The following PCDH11X variants were observed in gnomAD, a reference collection of about 807,000 sequenced individuals.
The protein encoded by PCDH11X is protocadherin-11 X-linked.
PCDH11X carries 18 observed loss-of-function variants against 53.3 expected under a neutral mutation model. That is an observed-to-expected ratio of 0.34 (90% CI 0.23 to 0.50). PCDH11X has a LOEUF of 0.50. Among genes scored for constraint, PCDH11X ranks in the 20% least tolerant of loss-of-function variants. The pLI is 0.98. For synonymous variants in PCDH11X, 279 were observed against 393.3 expected, an observed-to-expected ratio of 0.71 and a Z score of 3.44; for missense variants, 570 against 1,032.4, an observed-to-expected ratio of 0.55 and a Z score of 6.14.
At chrX:92,277,573 G>T (rs78330922) in intron 8 of PCDH11X, among the ~76,000 whole-genome samples, 1 of 107,760 alleles carries the variant, frequency 9.3e-6, no homozygotes, top group Admixed American at 1.0e-4. Flanking sequence ...GGGTTTGGGG[G>T]TTCTTACCTT....
intron 7 of PCDH11X, among the ~76,000 whole-genome samples, chrX:92,227,357 G>C (rs393785): frequency 9.1e-6 from 1 of 109,834 alleles, no homozygotes; most frequent in Non-Finnish European, 1.9e-5. Context: ...ATTTCAGTAC[G>C]TTCTAGTCAT....
chrX:92,085,209 TCTTGTGATTGGCTGAAA>T (rs2063929949), intron 6 of PCDH11X, among the ~76,000 whole-genome samples: 1 of 110,668 alleles, frequency 9.0e-6, no homozygotes, highest in South Asian at 3.8e-4. Context: ...AAGCTCTGTG[TCTTGTGATTGGCTGAAA>T]CTTCGCTCTT....
intron 10 of PCDH11X, among the ~76,000 whole-genome samples, chrX:92,536,193 G>A: frequency 9.0e-6 from 1 of 111,035 alleles, no homozygotes; most frequent in Non-Finnish European, 1.9e-5. Context: ...TCTTCTGTTA[G>A]TACTTACGAT....
intron 8 of PCDH11X, among the ~76,000 whole-genome samples, chrX:92,290,585 T>C (rs1378827444): frequency 2.1e-4 from 24 of 112,325 alleles, no homozygotes; most frequent in Non-Finnish European, 3.8e-5. Flanking sequence ...TTTGAAGAAA[T>C]TATCCTCTTA....
chrX:91,809,001 C>T (rs1460022198), intron 1 of PCDH11X, among the ~76,000 whole-genome samples: 4 of 104,161 alleles, frequency 3.8e-5, no homozygotes, highest in South Asian at 4.2e-4. Context: ...TAAAGTTTAT[C>T]GCAAGTAACT....
chrX:92,183,910 C>A (rs778149756), intron 6 of PCDH11X, among the ~76,000 whole-genome samples: 1 of 111,777 alleles, frequency 8.9e-6, no homozygotes, highest in African/African-American at 3.3e-5. Context: ...CAACCCCACT[C>A]TCCAGAAATT....
At chrX:92,466,445 G>A (rs2073158914) in intron 9 of PCDH11X, among the ~76,000 whole-genome samples, 1 of 108,072 alleles carries the variant, frequency 9.3e-6, no homozygotes, top group Admixed American at 1.0e-4. Context: ...GTGGTTGTTA[G>A]TATATAAGAT....
intron 6 of PCDH11X, among the ~76,000 whole-genome samples, chrX:92,107,368 A>C (rs963249470): frequency 1.5e-4 from 17 of 112,226 alleles, no homozygotes; most frequent in Non-Finnish European, 3.0e-4. Context: ...GATACTTTTG[A>C]GTTAACATTT....
At chrX:92,127,229 G>A (rs762940598) in intron 6 of PCDH11X, among the ~76,000 whole-genome samples, 3 of 109,241 alleles carry the variant, frequency 2.7e-5, no homozygotes, top group Admixed American at 1.0e-4. Flanking sequence ...AATAGGTGCT[G>A]TAATATGCCA....
In PCDH11X at chrX:91,974,778, C is replaced by T. The variant is rs766152330; in HGVS notation, c.3033+95505C>T. On this transcript the variant is annotated intron_variant, in intron 6 of 10. Coordinates refer to ENST00000682573, the MANE Select transcript of PCDH11X (RefSeq NM_032968.5). Reference sequence around the variant, plus strand: ...TCTTTTCTTTTTTTTTTTTGAGACACTTTCACTCTTGTTGCCCAGGCTGGA... The same window carrying T: ...TCTTTTCTTTTTTTTTTTTGAGACATTTTCACTCTTGTTGCCCAGGCTGGA... Among the ~76,000 whole-genome samples the T allele has an allele frequency of 7.7e-4, 83 of 108,057 alleles. 1 individual carries two copies. Among genetic ancestry groups the T allele is most frequent in the Non-Finnish European group, 2.3e-4 (12 of 52,145 alleles). The allele number at this position is 108,057 out of a possible 115,157, so 93.8% of individuals were successfully genotyped here.
chrX:92,335,834 G>GGT (rs1279206557), intron 8 of PCDH11X, among the ~76,000 whole-genome samples: 1 of 111,207 alleles, frequency 9.0e-6, no homozygotes, highest in African/African-American at 3.3e-5. Flanking sequence ...ATAGATATTG[G>GGT]GTGTGTGTGT....
At chrX:91,959,436 G>T (rs2061756036) in intron 6 of PCDH11X, among the ~76,000 whole-genome samples, 1 of 110,844 alleles carries the variant, frequency 9.0e-6, no homozygotes, top group African/African-American at 3.3e-5. Flanking sequence ...TTTAACCAAT[G>T]TCTCCCCATT....
intron 6 of PCDH11X, among the ~76,000 whole-genome samples, chrX:91,968,019 T>C (rs1388205932): frequency 8.9e-6 from 1 of 111,928 alleles, no homozygotes; most frequent in Non-Finnish European, 1.9e-5. Flanking sequence ...CTGAATGCGA[T>C]CCATTTGCTT....
chrX:92,170,601 A>G (rs1236501564), intron 6 of PCDH11X, among the ~76,000 whole-genome samples: 1 of 109,041 alleles, frequency 9.2e-6, no homozygotes, highest in African/African-American at 3.3e-5. Context: ...TTTTTTTAAA[A>G]TCTTTTTAAT....
Position 92,113,514 on chromosome X carries a change from C to G in PCDH11X, c.3034-87861C>G, listed in dbSNP as rs769726881. The G allele has an allele frequency of 8.3e-6, 10 of 1,199,200 alleles. No individual in the cohort carries two copies. In the East Asian group the frequency reaches 2.7e-4, roughly 32 times the overall value. On this transcript the variant is annotated intron_variant, in intron 6 of 10. Transcript: ENST00000682573. ...CTCTGCTAGAGCCAGAACGAAACTC[C>G]CTCGTGATCACGTCTCGCTCCTTTT... is the stretch of plus-strand genomic sequence containing the variant.
chrX:92,505,146 TTTTTTC>T (rs1216539429), intron 10 of PCDH11X, among the ~76,000 whole-genome samples: 43 of 64,460 alleles, frequency 6.7e-4, no homozygotes, highest in African/African-American at 1.7e-3. Flanking sequence ...TTCTTTTTTC[TTTTTTC>T]TTTTTTTTTT....
chrX:92,574,907 G>A (rs1013631661), intron 10 of PCDH11X, among the ~76,000 whole-genome samples: 44 of 110,539 alleles, frequency 4.0e-4, no homozygotes, highest in African/African-American at 1.3e-3. Flanking sequence ...GTTTGGTTCA[G>A]CAGGCTAACA....
At chrX:92,206,987 C>G (rs1345364853) in intron 7 of PCDH11X, among the ~76,000 whole-genome samples, 1 of 111,477 alleles carries the variant, frequency 9.0e-6, no homozygotes, top group Admixed American at 9.6e-5. Flanking sequence ...TGAGAATGTC[C>G]ATTTCCTTAT....
At chrX:92,222,789 T>G (rs1378392319) in intron 7 of PCDH11X, among the ~76,000 whole-genome samples, 4 of 111,696 alleles carry the variant, frequency 3.6e-5, no homozygotes, top group Non-Finnish European at 7.5e-5. Flanking sequence ...TCCCCTCTCC[T>G]AGATTTCCCC....
Sources: gnomAD v4.1 joint callset for allele counts (sites outside exome capture counted in the v4.1 genomes callset) on GRCh38, gnomAD v4.1.1 for gene constraint, MANE v1.5 for transcripts, NCBI Gene and HGNC (gene_info 2026-07-23, HGNC 2026-07-21) for gene names.